Variants in RNF17 observed in about 807,000 individuals in gnomAD.
The protein encoded by RNF17 is spermatogenesis associated 23.
Under a neutral mutation model 200.5 loss-of-function variants are expected in RNF17, and 31 were observed. That is an observed-to-expected ratio of 0.15 (90% CI 0.12 to 0.21). The LOEUF (loss-of-function observed/expected upper bound fraction) is 0.21. Ranked by LOEUF, RNF17 falls within the 10% of genes least tolerant of loss-of-function variation. RNF17 has a pLI of 1.00. For synonymous variants in RNF17, 606 were observed against 637.8 expected (o/e 0.95, Z 0.75); for missense variants, 1,628 against 1,905.1 (o/e 0.85, Z 2.71).
chr13:24,754,377 T>C, the RNF17 span, among the ~76,000 whole-genome samples: 1 of 152,114 alleles, frequency 6.6e-6, no homozygotes, highest in African/African-American at 2.4e-5. Flanking sequence ...ATGTAAAGCA[T>C]CAGAACACCT....
chr13:24,847,221 A>G (rs748015708), intron 22 of RNF17, among the ~76,000 whole-genome samples: 7 of 152,180 alleles, frequency 4.6e-5, no homozygotes, highest in Non-Finnish European at 8.8e-5. Context: ...AACTATTATT[A>G]TCTTCATATT....
chr13:24,885,899 A>G, the RNF17 span: 1 of 540,936 alleles, frequency 1.8e-6, no homozygotes, highest in Non-Finnish European at 3.3e-6. Context: ...ATCCTGGGGA[A>G]GAGACAGGTG....
At chr13:24,792,576 C>T (rs774892623) in intron 9 of RNF17, among the ~76,000 whole-genome samples, 3 of 152,174 alleles carry the variant, frequency 2.0e-5, no homozygotes, top group Non-Finnish European at 2.9e-5. Context: ...ATTGCAAGGT[C>T]GTGTACATAT....
At chr13:24,817,246 C>A (rs1254092322) in intron 15 of RNF17, among the ~76,000 whole-genome samples, 3 of 152,052 alleles carry the variant, frequency 2.0e-5, no homozygotes, top group Non-Finnish European at 4.4e-5. Flanking sequence ...TGGTCCAGGG[C>A]TTTTCATGTG....
At chr13:24,771,214 T>A (rs1282322409) in intron 2 of RNF17, among the ~76,000 whole-genome samples, 1 of 151,908 alleles carries the variant, frequency 6.6e-6, no homozygotes, top group Non-Finnish European at 1.5e-5. Context: ...TGCAGTGATG[T>A]GATCACAGCT....
intron 6 of RNF17, among the ~76,000 whole-genome samples, chr13:24,782,925 TTTC>T (rs769165963): frequency 1.1e-4 from 17 of 151,946 alleles, no homozygotes; most frequent in Non-Finnish European, 2.4e-4. Context: ...CAGTTTATTG[TTTC>T]TTTTGTTTCT....
chr13:24,884,223 T>G (rs750268775), downstream of RNF17: 2 of 1,614,224 alleles, frequency 1.2e-6, no homozygotes, highest in African/African-American at 1.3e-5. Context: ...GTGAGTGGTC[T>G]GGGCAGCTGC....
intron 19 of RNF17, among the ~76,000 whole-genome samples, chr13:24,842,407 A>G (rs975526698): frequency 6.6e-6 from 1 of 152,206 alleles, no homozygotes; most frequent in African/African-American, 2.4e-5. Context: ...GAGTGCTTCT[A>G]AGGAAAGGAG....
upstream of RNF17, among the ~76,000 whole-genome samples, chr13:24,761,018 T>C (rs550189801): frequency 2.0e-5 from 3 of 152,296 alleles, no homozygotes; most frequent in South Asian, 4.1e-4. Context: ...CTTATACAGT[T>C]AGTGGGAATG....
intron 1 of RNF17, among the ~76,000 whole-genome samples, chr13:24,765,182 A>G (rs1183485638): frequency 6.6e-6 from 1 of 151,726 alleles, no homozygotes; most frequent in Non-Finnish European, 1.5e-5. Context: ...CGCCCGGCTA[A>G]TTTTTTGTAT....
chr13:24,769,055 G>A (rs1321897872), intron 2 of RNF17, among the ~76,000 whole-genome samples: 1 of 140,078 alleles, frequency 7.1e-6, no homozygotes, highest in Non-Finnish European at 1.5e-5. Context: ...GTAAGACGAA[G>A]TGAGCCCTCC....
chr13:24,794,265 GCTTGA>G (rs1884259649), intron 10 of RNF17: 1 of 455,354 alleles, frequency 2.2e-6, no homozygotes, highest in African/African-American at 2.0e-5. Flanking sequence ...AACTGTCTGA[GCTTGA>G]TGTAGTGGAG....
intron 19 of RNF17, among the ~76,000 whole-genome samples, chr13:24,843,058 A>G (rs3759457): frequency 0.17 from 26,533 of 151,950 alleles, 2,448 homozygotes; most frequent in South Asian, 0.32. Flanking sequence ...GCATAAGCCA[A>G]AGAAGTAGTG....
At chr13:24,774,199 A>AT (rs67201563) in intron 2 of RNF17, among the ~76,000 whole-genome samples, 33,363 of 149,714 alleles carry the variant, frequency 0.22, 4,028 homozygotes, top group East Asian at 0.29. Context: ...ATATGTTACT[A>AT]TTTTTTTTTT....
At chr13:24,749,667 AC>A in the RNF17 span, among the ~76,000 whole-genome samples, 2 of 152,114 alleles carry the variant, frequency 1.3e-5, no homozygotes, top group African/African-American at 4.8e-5. Context: ...ATTATTGAGA[AC>A]CCAAAAGCTA....
At chr13:24,792,964 G>T (rs939616719) in intron 9 of RNF17, 78 bp from the exon 10 acceptor site, 38 of 938,784 alleles carry the variant, frequency 4.0e-5, no homozygotes, top group Non-Finnish European at 5.9e-5. Flanking sequence ...TGTCCATGGT[G>T]GGAGTTTCTA....
rs368676541 is a variant in RNF17 at position 24,774,918 on chromosome 13, G to A, written c.317+14G>A. The A allele has an allele frequency of 1.4e-6, 2 of 1,472,136 alleles. No homozygotes were observed. Among genetic ancestry groups the A allele is most frequent in the Admixed American group, 3.5e-5 (2 of 56,774 alleles). 91.2% of individuals were successfully genotyped at this position (1,472,136 alleles called of 1,614,324 possible). ...GCAGCCTAAGACGTATGTTCCATGT[G>A]TACTTATTTGAGTATTTAAAGTCAA... On this transcript the variant is annotated intron_variant, in intron 3 of 35. Transcript: ENST00000255324.
the RNF17 span, among the ~76,000 whole-genome samples, chr13:24,756,267 A>G: frequency 6.6e-6 from 1 of 152,216 alleles, no homozygotes. Context: ...AAGTGCCAAA[A>G]AGTAATATAT....
chr13:24,780,220 A>G (rs1882160680), intron 5 of RNF17, among the ~76,000 whole-genome samples: 1 of 152,208 alleles, frequency 6.6e-6, no homozygotes, highest in Non-Finnish European at 1.5e-5. Context: ...ATAGAAGGAC[A>G]TGACATTTTT....
Sources: allele counts gnomAD v4.1 joint callset (sites outside exome capture counted in the v4.1 genomes callset), GRCh38; gene constraint gnomAD v4.1.1; transcripts MANE v1.5; gene names NCBI Gene and HGNC (gene_info 2026-07-23, HGNC 2026-07-21).